CNN2: variants seen among roughly 807,000 people sequenced by gnomAD.
CNN2 encodes calponin-2.
A neutral mutation model predicts 31.0 loss-of-function variants in CNN2; 21 were observed. The observed-to-expected ratio is 0.68, with a 90% confidence interval of 0.48 to 0.98. The LOEUF (loss-of-function observed/expected upper bound fraction) is 0.98, where lower values mean the gene tolerates loss of function less well. CNN2 is among the 50% of genes least tolerant of loss of function. The pLI is 0.00. For missense variants in CNN2, 399 were observed against 427.3 expected (o/e 0.93, Z 0.58); for synonymous variants, 165 against 179.6 (o/e 0.92, Z 0.65).
intron 2 of CNN2, among the ~76,000 whole-genome samples, chr19:1,031,789 T>G (rs937924886): frequency 2.0e-5 from 3 of 150,978 alleles, no homozygotes; most frequent in African/African-American, 7.3e-5. Context: ...TAATTTTTTT[T>G]GTATATTTAG....
chr19:1,037,839 G>C lies in CNN2; in HGVS notation c.869G>C (p.Cys290Ser), dbSNP rs200854974. The change falls in exon 7 of 7, where the codon TGC becomes TCC. Residue 290 changes from cysteine to serine, a missense_variant. By Grantham distance (112) the Cys-to-Ser change is moderately radical (BLOSUM62 -1). Coordinates refer to ENST00000263097, the MANE Select transcript of CNN2 (RefSeq NM_004368.4). Reference protein sequence around the residue: ...ADGAPSGTGDCPDPGEVPEYP... With the variant: ...ADGAPSGTGDSPDPGEVPEYP... The stretch of plus-strand genomic sequence containing the variant: ...GGGGCTCCCTCGGGCACCGGCGACT[G>C]CCCGGACCCGGGGGAGGTCCCTGAA... The C allele has an allele frequency of 6.2e-7, 1 of 1,606,282 alleles. No homozygotes were observed. Among genetic ancestry groups the C allele is most frequent in the East Asian group, 2.2e-5 (1 of 44,722 alleles).
intron 4 of CNN2, among the ~76,000 whole-genome samples, chr19:1,033,471 A>G (rs2039532631): frequency 6.6e-6 from 1 of 152,208 alleles, no homozygotes. Context: ...ACTGCTCTCC[A>G]GCCTGGGCAA....
At chr19:1,030,089 G>C (rs1599507078) in intron 1 of CNN2, among the ~76,000 whole-genome samples, 1 of 152,110 alleles carries the variant, frequency 6.6e-6, no homozygotes, top group African/African-American at 2.4e-5. Context: ...ACACTTTGCC[G>C]TCTGCCTCAG....
chr19:1,035,937 A>C, intron 4 of CNN2, 193 bp from the exon 5 acceptor site: 2 of 805,196 alleles, frequency 2.5e-6, no homozygotes, highest in Non-Finnish European at 3.5e-6. Flanking sequence ...TAAAAATAAA[A>C]AACTGAAACA....
intron 6 of CNN2, chr19:1,037,070 C>T (rs570305326): frequency 3.5e-4 from 76 of 216,888 alleles, no homozygotes; most frequent in African/African-American, 1.7e-3. Context: ...GTTGCCCAGG[C>T]TGGTCTCGAA....
rs140890265 is a variant in CNN2, at chr19:1,036,154, G to A, written c.415G>A (p.Gly139Arg). The change falls in exon 5 of 7, where the codon GGG (glycine) becomes AGG (arginine). Residue 139 changes from glycine to arginine, a missense_variant. Physicochemically the swap from Gly to Arg is moderately radical, Grantham distance 125. Coordinates refer to ENST00000263097, the MANE Select transcript of CNN2 (RefSeq NM_004368.4). ...GKAKTKGLQS[G>R]VDIGVKYSEK... ...GGCCAAGACTAAGGGGCTGCAGAGC[G>A]GGGTGGACATTGGCGTCAAGTACTC... The A allele has an allele frequency of 6.5e-4, 1,054 of 1,612,346 alleles. 5 individuals carry two copies. Among genetic ancestry groups the A allele is most frequent in the South Asian group, 2.0e-3 (180 of 90,840 alleles).
At chr19:1,035,234 CACGGTGTCTGGTGTAGAAT>C (rs1448962662) in intron 4 of CNN2, among the ~76,000 whole-genome samples, 13,790 of 147,658 alleles carry the variant, frequency 0.093, 1,270 homozygotes, top group East Asian at 0.28. Context: ...GTGGGTGGGA[CACGGTGTCTGGTGTAGAAT>C]GGAATGGGAG....
rs776509656 is a variant in CNN2 at position 1,036,234 on chromosome 19, C to G, written c.495C>G (p.Val165=). The part of the protein sequence containing the change: ...DDATMKAGQC[V]IGLQMGTNKC... ...CCACCATGAAGGCTGGCCAGTGCGT[C>G]ATCGGGCTGCAGGTGGGCGACAGCT... The change falls in exon 5 of 7, where the codon GTC becomes GTG. Residue 165 remains valine (V), a synonymous_variant. Coordinates refer to ENST00000263097, the MANE Select transcript of CNN2 (RefSeq NM_004368.4). 5 of 1,592,752 alleles carry G rather than the reference C, an allele frequency of 3.1e-6. No individual in the cohort carries two copies. In the South Asian group the frequency reaches 4.6e-5, roughly 15 times the overall value.
At chr19:1,035,312 G>C (rs575026916) in intron 4 of CNN2, among the ~76,000 whole-genome samples, 2 of 152,196 alleles carry the variant, frequency 1.3e-5, no homozygotes, top group East Asian at 3.9e-4. Flanking sequence ...GCAAGGTCTT[G>C]ACATTGGAAT....
chr19:1,031,154 C>A lies in CNN2; in HGVS notation c.147C>A (p.Asp49Glu). ...TCACCGGCCTCTCCATCGGCCCCGA[C>A]TTCCAGAAGGGCCTGAAGGATGGAA... Reference protein sequence around the residue: ...EGLTGLSIGPDFQKGLKDGTI... With the variant: ...EGLTGLSIGPEFQKGLKDGTI... The change falls in exon 2 of 7, where the codon GAC becomes GAA. Residue 49 changes from aspartate (D) to glutamate (E), a missense_variant. Transcript: ENST00000263097. 1 of 1,613,318 alleles carries A rather than the reference C, an allele frequency of 6.2e-7. No homozygotes were observed. The highest frequency in any genetic ancestry group is 1.3e-5 in the African/African-American group (1 of 75,062).
In CNN2 at chr19:1,037,998, T is replaced by C; in HGVS notation, c.*98T>C. 4.0e-6 allele frequency: 5 copies of C among 1,235,696 alleles called. No individual in the cohort carries two copies. Among genetic ancestry groups the C allele is most frequent in the Non-Finnish European group, 5.6e-6 (5 of 900,690 alleles). 76.5% of individuals were successfully genotyped at this position (1,235,696 alleles called of 1,614,324 possible). A position where few individuals can be genotyped will look rare whatever the true frequency, so the allele number is the denominator to read the frequency against. On this transcript the variant is annotated 3_prime_UTR_variant, in exon 7 of 7. Coordinates refer to ENST00000263097, the MANE Select transcript of CNN2 (RefSeq NM_004368.4). ...TTTTTTTTTTTCTTAACCCGTTCAG[T>C]GCTGCCAGTCAACCAAGGGTCTGTG...
At chr19:1,029,000 C>T (rs1045798812) in intron 1 of CNN2, among the ~76,000 whole-genome samples, 1 of 152,014 alleles carries the variant, frequency 6.6e-6, no homozygotes, top group African/African-American at 2.4e-5. Context: ...TAATCCCAGG[C>T]AGGTCCAGGT....
chr19:1,035,503 G>A (rs1442641316), intron 4 of CNN2, among the ~76,000 whole-genome samples: 1 of 152,170 alleles, frequency 6.6e-6, no homozygotes, highest in African/African-American at 2.4e-5. Context: ...GGTGCCCGGG[G>A]ATTGGGTCAG....
intron 4 of CNN2, 123 bp from the exon 5 acceptor site, chr19:1,036,007 G>A: frequency 1.4e-6 from 2 of 1,414,260 alleles, no homozygotes; most frequent in Non-Finnish European, 1.9e-6. Context: ...TGTGCCTGTG[G>A]GGGCTCTGCG....
chr19:1,026,615 T>A lies in CNN2; in HGVS notation c.-47T>A. 1 of 1,457,054 alleles carries A rather than the reference T, an allele frequency of 6.9e-7. No homozygotes were observed. Among genetic ancestry groups the A allele is most frequent in the Non-Finnish European group, 9.1e-7 (1 of 1,092,916 alleles). The allele number at this position is 1,457,054 out of a possible 1,614,324, so 90.3% of individuals were successfully genotyped here. ...ACCCCGCGCCAGCCCGGCGGTCCCG[T>A]CCCGTCCCGTCCTGTGCGGCCCCGT... On this transcript the variant is annotated 5_prime_UTR_variant, in exon 1 of 7. Coordinates refer to ENST00000263097, the MANE Select transcript of CNN2 (RefSeq NM_004368.4).
chr19:1,037,753 C>T lies in CNN2; in HGVS notation c.783C>T (p.Val261=), dbSNP rs755402475. ...AGGGCGCCAACCAGAGCGGCCAGGT[C>T]TTCGGCCTGGGCCGGCAGATATATG... The part of the protein sequence containing the change: ...YTQGANQSGQ[V]FGLGRQIYDP... The change falls in exon 7 of 7, where the codon GTC becomes GTT. Residue 261 remains valine (V), a synonymous_variant. Transcript: ENST00000263097. 1.9e-6 allele frequency: 3 copies of T among 1,611,574 alleles called. No homozygotes were observed. The highest frequency in any genetic ancestry group is 2.2e-5 in the South Asian group (2 of 91,010).
chr19:1,031,222 C>CA, intron 2 of CNN2, 30 bp downstream of exon 2: 2 of 1,526,258 alleles, frequency 1.3e-6, no homozygotes, highest in Non-Finnish European at 8.8e-7. Flanking sequence ...CAGGCTGTCT[C>CA]ACACTTAACA....
chr19:1,032,556 C>T lies in CNN2; in HGVS notation c.253-3C>T. ...TCACTGTCCCTCTCCTGCCTCTTCC[C>T]AGCTAGAAAACCTGTCCAACTTCAT... On this transcript the variant is annotated splice_region_variant and splice_polypyrimidine_tract_variant and intron_variant, in intron 3 of 6. Transcript: ENST00000263097. 6.2e-7 allele frequency: 1 copy of T among 1,613,342 alleles called. No homozygotes were observed. The highest frequency in any genetic ancestry group is 1.7e-5 in the Admixed American group (1 of 60,016).
At position 1,036,484 on chromosome 19, in the gene CNN2, C is replaced by T. The variant is rs1017924702; in HGVS notation, c.576C>T (p.Asp192=). ...TAYGTRRHLY[D]PKNHILPPMD... ...ACGGCACGAGAAGGCATCTCTATGA[C>T]CCCAAGAACCATATCCTGCCCCCCA... Residue 192 remains aspartate, a synonymous_variant, in exon 6 of 7, where the codon GAC becomes GAT. Coordinates refer to ENST00000263097, the MANE Select transcript of CNN2 (RefSeq NM_004368.4). The T allele has an allele frequency of 1.2e-6, 2 of 1,613,116 alleles. No homozygotes were observed. The highest frequency in any genetic ancestry group is 2.7e-5 in the African/African-American group (2 of 74,920).
Sources: allele counts gnomAD v4.1 joint callset (sites outside exome capture counted in the v4.1 genomes callset), GRCh38; gene constraint gnomAD v4.1.1; transcripts MANE v1.5; gene names NCBI Gene and HGNC (gene_info 2026-07-23, HGNC 2026-07-21).